MRE11: variants seen among roughly 807,000 people sequenced by gnomAD.
The protein encoded by MRE11 is double-strand break repair protein MRE11.
MRE11 carries 62 observed loss-of-function variants against 91.7 expected under a neutral mutation model. The observed-to-expected ratio is 0.68, with a 90% confidence interval of 0.55 to 0.84. MRE11 has a LOEUF of 0.84. MRE11 is among the 40% of genes least tolerant of loss of function. The probability of loss-of-function intolerance (pLI) is 0.00; values close to 1 mark genes in which losing one functional copy is unlikely to be tolerated. For missense variants in MRE11, 796 were observed against 852.9 expected (o/e 0.93, Z 0.83); for synonymous variants, 273 against 271.4 (o/e 1.01, Z -0.06).
the MRE11 span, among the ~76,000 whole-genome samples, chr11:94,511,612 T>G: frequency 6.6e-6 from 1 of 152,144 alleles, no homozygotes; most frequent in Non-Finnish European, 1.5e-5. Flanking sequence ...TTGAAAAACA[T>G]AAAAAGCAGC....
chr11:94,498,624 C>A, upstream of MRE11: 1 of 1,129,646 alleles, frequency 8.9e-7, no homozygotes, highest in Non-Finnish European at 1.3e-6. Flanking sequence ...AAACATCTTA[C>A]TACAAAAATT....
At position 94,419,466 on chromosome 11, in the gene MRE11, GA is replaced by G. The variant is rs1945112788; in HGVS notation, c.*658del. The G allele has an allele frequency of 6.5e-5, 5 of 76,804 alleles. No individual in the cohort carries two copies. The highest frequency in any genetic ancestry group is 1.1e-4 in the Non-Finnish European group (4 of 36,160). The allele number at this position is 76,804 out of a possible 1,614,324, so 4.8% of individuals were successfully genotyped here. ...AAGAGTGGGGAACGGGGGGGAGAGG[GA>G]GAGAGAGAGAGAGAGAGAGAGAGAG... is the stretch of plus-strand genomic sequence containing the variant. On this transcript the variant is annotated 3_prime_UTR_variant, in exon 20 of 20. Coordinates refer to ENST00000323929, the MANE Select transcript of MRE11 (RefSeq NM_005591.4).
Position 94,419,131 on chromosome 11 carries a change from T to A in MRE11, c.*994A>T, listed in dbSNP as rs905951037. The stretch of plus-strand genomic sequence containing the variant: ...ACTTAAATCTGAAGATGTCTAATTC[T>A]TATTTCTCCCCGAAAACAAGTAAAA... On this transcript the variant is annotated 3_prime_UTR_variant, in exon 20 of 20. Transcript: ENST00000323929. 7 of 232,510 alleles carry A rather than the reference T, an allele frequency of 3.0e-5. No homozygotes were observed. In the Admixed American group the frequency reaches 3.9e-4, roughly 13 times the overall value. 14.4% of individuals were successfully genotyped at this position (232,510 alleles called of 1,614,324 possible). A position where few individuals can be genotyped will look rare whatever the true frequency, so the allele number is the denominator to read the frequency against.
At chr11:94,499,747 C>T in the MRE11 span, among the ~76,000 whole-genome samples, 2 of 152,156 alleles carry the variant, frequency 1.3e-5, no homozygotes, top group Non-Finnish European at 2.9e-5. Context: ...TTTGTCTTCT[C>T]AACACCACAA....
Position 94,487,374 on chromosome 11 carries a change from G to A in MRE11, c.154-1290C>T, listed in dbSNP as rs115388593. Among the ~76,000 whole-genome samples, 331 of 152,276 alleles carry A rather than the reference G, an allele frequency of 2.2e-3. 2 individuals carry two copies. Among genetic ancestry groups the A allele is most frequent in the African/African-American group, 7.4e-3 (309 of 41,556 alleles). ...GACTCACTTCTGTGGTATTCTTGCC[G>A]AAAGTGCAGAATCTGAACCTAATCA... is the stretch of plus-strand genomic sequence containing the variant. On this transcript the variant is annotated intron_variant, in intron 3 of 19. Transcript: ENST00000323929.
chr11:94,435,335 G>A (rs551149884), intron 18 of MRE11, among the ~76,000 whole-genome samples: 31 of 152,188 alleles, frequency 2.0e-4, no homozygotes, highest in African/African-American at 6.7e-4. Context: ...TGGGTGGATC[G>A]CCTGAGCTCA....
At chr11:94,497,882 C>A, upstream of MRE11, 1 of 547,302 alleles carries the variant, frequency 1.8e-6, no homozygotes, top group South Asian at 2.6e-5. Context: ...TTAACACTAA[C>A]TTGTTCATTC....
At position 94,490,817 on chromosome 11, in the gene MRE11, T is replaced by C; in HGVS notation, c.153+16A>G. 1 of 1,613,388 alleles carries C rather than the reference T, an allele frequency of 6.2e-7. No homozygotes were observed. The highest frequency in any genetic ancestry group is 8.5e-7 in the Non-Finnish European group (1 of 1,179,596). On this transcript the variant is annotated intron_variant, in intron 3 of 19. Transcript: ENST00000323929. ...GGGAATATGGTAGATAGTGCACAAA[T>C]ACAAACCACACTCACTTCATTTTCC...
intron 4 of MRE11, among the ~76,000 whole-genome samples, chr11:94,480,699 C>T (rs1267874011): frequency 6.6e-6 from 1 of 152,218 alleles, no homozygotes; most frequent in African/African-American, 2.4e-5. Context: ...AATGGCAGTG[C>T]ACAAGAGGGA....
At chr11:94,421,427 TTAAA>T (rs1173323375) in intron 19 of MRE11, among the ~76,000 whole-genome samples, 1 of 152,230 alleles carries the variant, frequency 6.6e-6, no homozygotes, top group Non-Finnish European at 1.5e-5. Flanking sequence ...AAGACAAAAC[TTAAA>T]TAAACCAGAG....
intron 16 of MRE11, among the ~76,000 whole-genome samples, chr11:94,438,607 A>T (rs895476352): frequency 6.6e-6 from 1 of 152,250 alleles, no homozygotes; most frequent in African/African-American, 2.4e-5. Context: ...AGAAAACAAG[A>T]TACCTTTCTT....
At chr11:94,421,613 T>C (rs2134741756) in intron 19 of MRE11, among the ~76,000 whole-genome samples, 2 of 152,348 alleles carry the variant, frequency 1.3e-5, no homozygotes, top group South Asian at 4.1e-4. Context: ...TAGTATTTAA[T>C]AGGTAGAATG....
chr11:94,508,453 C>T, the MRE11 span, among the ~76,000 whole-genome samples: 7 of 152,106 alleles, frequency 4.6e-5, no homozygotes, highest in Non-Finnish European at 4.4e-5. Context: ...ATTTGACATG[C>T]GGTAGGAGTC....
rs1554996391 is a variant in MRE11 at position 94,419,465 on chromosome 11, G to GGAGAGGGAGA, written c.*659_*660insTCTCCCTCTC. 6 of 216,370 alleles carry GGAGAGGGAGA rather than the reference G, an allele frequency of 2.8e-5. No individual in the cohort carries two copies. Among genetic ancestry groups the GGAGAGGGAGA allele is most frequent in the Non-Finnish European group, 4.4e-5 (5 of 112,950 alleles). The allele number at this position is 216,370 out of a possible 1,614,324, so 13.4% of individuals were successfully genotyped here. ...GAAGAGTGGGGAACGGGGGGGAGAG[G>GGAGAGGGAGA]GAGAGAGAGAGAGAGAGAGAGAGAG... On this transcript the variant is annotated 3_prime_UTR_variant, in exon 20 of 20. Coordinates refer to ENST00000323929, the MANE Select transcript of MRE11 (RefSeq NM_005591.4).
chr11:94,492,656 A>AATAT (rs1409009207), intron 2 of MRE11, 126 bp downstream of exon 2: 2 of 1,409,090 alleles, frequency 1.4e-6, no homozygotes, highest in Non-Finnish European at 2.0e-6. Flanking sequence ...TTTGATGACT[A>AATAT]ATATTTCTGT....
At chr11:94,506,616 T>A in the MRE11 span, among the ~76,000 whole-genome samples, 2 of 147,606 alleles carry the variant, frequency 1.4e-5, no homozygotes, top group Non-Finnish European at 3.0e-5. Flanking sequence ...TGAGACAGGG[T>A]CTTGCTCTGT....
intron 16 of MRE11, among the ~76,000 whole-genome samples, chr11:94,441,977 C>CAAAAAA (rs35673778): frequency 0.016 from 773 of 48,192 alleles, 59 homozygotes; most frequent in African/African-American, 0.058. Context: ...GACTCTGTCT[C>CAAAAAA]AAAAAAAAAA....
intron 19 of MRE11, among the ~76,000 whole-genome samples, chr11:94,428,134 T>TTGAACTA (rs1216948595): frequency 6.6e-6 from 1 of 152,036 alleles, no homozygotes; most frequent in Non-Finnish European, 1.5e-5. Flanking sequence ...CTACCCAACT[T>TTGAACTA]TGAACTATAT....
intron 10 of MRE11, among the ~76,000 whole-genome samples, chr11:94,465,228 C>G (rs1946530503): frequency 6.6e-6 from 1 of 152,062 alleles, no homozygotes; most frequent in Non-Finnish European, 1.5e-5. Flanking sequence ...TCGTAATTTA[C>G]TGTGCTTAGG....
Sources: gnomAD v4.1 joint callset for allele counts (sites outside exome capture counted in the v4.1 genomes callset) on GRCh38, gnomAD v4.1.1 for gene constraint, MANE v1.5 for transcripts, NCBI Gene and HGNC (gene_info 2026-07-23, HGNC 2026-07-21) for gene names.